Variants in SESN1 observed in about 807,000 individuals in gnomAD.
SESN1 encodes the protein sestrin 1, also known as sestrin-1.
In SESN1, 30 loss-of-function variants were observed where a neutral mutation model predicts 59.3. The ratio of observed to expected loss-of-function variants is 0.51; its 90% CI spans 0.38 to 0.69. The LOEUF (loss-of-function observed/expected upper bound fraction) is 0.69. Ranked by LOEUF, SESN1 falls within the 30% of genes least tolerant of loss-of-function variation. The pLI is 0.00. For synonymous variants in SESN1, 197 were observed against 219.9 expected, an observed-to-expected ratio of 0.90 and a Z score of 0.92; for missense variants, 566 against 673.0, an observed-to-expected ratio of 0.84 and a Z score of 1.76.
intron 1 of SESN1, among the ~76,000 whole-genome samples, chr6:109,044,148 C>T (rs553077651): frequency 2.0e-5 from 3 of 151,366 alleles, no homozygotes; most frequent in South Asian, 4.2e-4. Flanking sequence ...GACTCCACTA[C>T]TACAAATAAA....
intron 4 of SESN1, 95 bp from the exon 5 acceptor site, chr6:108,998,850 CA>C: frequency 7.2e-7 from 1 of 1,382,592 alleles, no homozygotes; most frequent in Admixed American, 2.4e-5. Flanking sequence ...AAACATGAGT[CA>C]TCATACAAAG....
intron 1 of SESN1, among the ~76,000 whole-genome samples, chr6:109,053,046 A>G (rs565085724): frequency 3.2e-4 from 47 of 147,410 alleles, no homozygotes; most frequent in African/African-American, 1.2e-3. Context: ...CAAGACTAGG[A>G]TGTGTGTGTG....
intron 1 of SESN1, among the ~76,000 whole-genome samples, chr6:109,087,278 A>T (rs1023008896): frequency 5.9e-5 from 9 of 152,228 alleles, no homozygotes; most frequent in Non-Finnish European, 8.8e-5. Flanking sequence ...CTGAGTATAG[A>T]TAGTACAGAT....
intron 5 of SESN1, 160 bp downstream of exon 5, chr6:108,998,353 T>A: frequency 1.4e-6 from 1 of 723,216 alleles, no homozygotes; most frequent in East Asian, 2.7e-5. Flanking sequence ...GATGAGCATG[T>A]GAGGCAGTCA....
intron 1 of SESN1, among the ~76,000 whole-genome samples, chr6:109,077,312 G>A (rs902906266): frequency 2.0e-5 from 3 of 152,074 alleles, no homozygotes; most frequent in Admixed American, 6.5e-5. Flanking sequence ...TAGGAAAATA[G>A]ACTAGTGATT....
chr6:108,988,937 A>G (rs1335999608), intron 8 of SESN1, among the ~76,000 whole-genome samples: 2 of 152,216 alleles, frequency 1.3e-5, no homozygotes, highest in African/African-American at 4.8e-5. Flanking sequence ...AAAGCTGACA[A>G]TATTAACATA....
intron 1 of SESN1, 74 bp from the exon 2 acceptor site, chr6:109,002,417 G>T: frequency 8.4e-7 from 1 of 1,193,104 alleles, no homozygotes; most frequent in Non-Finnish European, 1.2e-6. Context: ...GAATGGGAGG[G>T]AAAAACAACC....
rs768001041 is a variant in SESN1, at chr6:108,988,723, A to G, written c.1425-36T>C. 5.2e-6 allele frequency: 8 copies of G among 1,531,562 alleles called. No homozygotes were observed. The African/African-American group carries it at 8.2e-5, about 16-fold the overall frequency. 94.9% of individuals were successfully genotyped at this position (1,531,562 alleles called of 1,614,324 possible). A position where few individuals can be genotyped will look rare whatever the true frequency, so the allele number is the denominator to read the frequency against. On this transcript the variant is annotated intron_variant, in intron 8 of 9. Coordinates refer to ENST00000436639, the MANE Select transcript of SESN1 (RefSeq NM_014454.3). ...ACATAATGAGAATTATGATATTTTC[A>G]GTGTATAACCTGTTTTCATCTTACA...
intron 1 of SESN1, among the ~76,000 whole-genome samples, chr6:109,081,306 C>A (rs575674009): frequency 6.6e-6 from 1 of 152,250 alleles, no homozygotes; most frequent in East Asian, 1.9e-4. Context: ...GTGTTGAACT[C>A]TGGGCTCAAG....
At chr6:109,020,645 A>T (rs985845546) in intron 1 of SESN1, among the ~76,000 whole-genome samples, 1 of 151,658 alleles carries the variant, frequency 6.6e-6, no homozygotes, top group African/African-American at 2.4e-5. Context: ...GGAGAGAAGA[A>T]GGTTTTCAGA....
chr6:109,051,582 A>C (rs937468798), intron 1 of SESN1, among the ~76,000 whole-genome samples: 4 of 152,250 alleles, frequency 2.6e-5, no homozygotes, highest in African/African-American at 9.6e-5. Context: ...AGAATTACAA[A>C]GAGTTTAGAA....
chr6:109,068,215 C>T (rs1227121507), intron 1 of SESN1, among the ~76,000 whole-genome samples: 11 of 152,270 alleles, frequency 7.2e-5, no homozygotes, highest in East Asian at 5.8e-4. Context: ...TCTTTAGTCA[C>T]CCCAGCTGAG....
chr6:108,993,077 G>T, intron 6 of SESN1, 178 bp from the exon 7 acceptor site: 1 of 534,144 alleles, frequency 1.9e-6, no homozygotes, highest in Non-Finnish European at 3.3e-6. Context: ...TGTAGTAAAA[G>T]GAGATTTTCT....
At chr6:109,035,775 C>T (rs1780239390) in intron 1 of SESN1, among the ~76,000 whole-genome samples, 1 of 151,996 alleles carries the variant, frequency 6.6e-6, no homozygotes, top group South Asian at 2.1e-4. Flanking sequence ...TAATTTATTT[C>T]TATTTTTATT....
chr6:109,037,686 A>G (rs1780269959), intron 1 of SESN1, among the ~76,000 whole-genome samples: 2 of 152,196 alleles, frequency 1.3e-5, no homozygotes, highest in Admixed American at 6.5e-5. Flanking sequence ...ATCATATTAT[A>G]GTTTTTAGAA....
chr6:109,075,683 C>T (rs750706124), intron 1 of SESN1, among the ~76,000 whole-genome samples: 10 of 152,170 alleles, frequency 6.6e-5, no homozygotes, highest in Non-Finnish European at 1.5e-4. Flanking sequence ...CTGGCAGATA[C>T]TGTAATTGCA....
At chr6:109,002,557 T>C (rs1431484968) in intron 1 of SESN1, among the ~76,000 whole-genome samples, 1 of 152,184 alleles carries the variant, frequency 6.6e-6, no homozygotes, top group Non-Finnish European at 1.5e-5. Flanking sequence ...ATAAAACCTG[T>C]TTCACTAAAA....
At chr6:108,994,743 C>G in intron 5 of SESN1, 134 bp from the exon 6 acceptor site, 2 of 760,684 alleles carry the variant, frequency 2.6e-6, no homozygotes, top group South Asian at 2.5e-5. Flanking sequence ...TGCTCTGTTG[C>G]CCAGGCTGCA....
At chr6:109,061,719 G>T (rs936415904) in intron 1 of SESN1, among the ~76,000 whole-genome samples, 4 of 152,094 alleles carry the variant, frequency 2.6e-5, no homozygotes, top group Non-Finnish European at 5.9e-5. Context: ...TGGGAAGATG[G>T]CTTGAGCCCA....
Sources: allele counts gnomAD v4.1 joint callset (sites outside exome capture counted in the v4.1 genomes callset), GRCh38; gene constraint gnomAD v4.1.1; transcripts MANE v1.5; gene names NCBI Gene and HGNC (gene_info 2026-07-23, HGNC 2026-07-21).